ACO1: variants seen among roughly 807,000 people sequenced by gnomAD.
ACO1 encodes the protein cytoplasmic aconitate hydratase.
A neutral mutation model predicts 105.1 loss-of-function variants in ACO1; 78 were observed. That is an observed-to-expected ratio of 0.74 (90% confidence interval 0.62 to 0.90). The LOEUF (loss-of-function observed/expected upper bound fraction) is 0.90. Ranked by LOEUF, ACO1 falls within the 40% of genes least tolerant of loss-of-function variation. ACO1 has a pLI of 0.00. For synonymous variants in ACO1, 364 were observed against 397.4 expected (o/e 0.92, Z 1.00); for missense variants, 965 against 1,111.1 (o/e 0.87, Z 1.87).
intron 1 of ACO1, among the ~76,000 whole-genome samples, chr9:32,390,040 C>T (rs1194416751): frequency 1.3e-5 from 2 of 152,160 alleles, no homozygotes; most frequent in African/African-American, 2.4e-5. Context: ...TCAGGTGATC[C>T]GCCTGCCTCA....
intron 14 of ACO1, among the ~76,000 whole-genome samples, chr9:32,431,312 C>CATGCTTTTTGCATTTTT (rs1366562125): frequency 2.6e-5 from 4 of 152,138 alleles, no homozygotes; most frequent in Non-Finnish European, 5.9e-5. Context: ...TACGTAGTGC[C>CATGCTTTTTGCATTTTT]ATGCTTTTTG....
intron 18 of ACO1, among the ~76,000 whole-genome samples, chr9:32,438,593 T>C (rs780221716): frequency 6.6e-6 from 1 of 152,122 alleles, no homozygotes; most frequent in Non-Finnish European, 1.5e-5. Flanking sequence ...AATTAATGGG[T>C]AAGGACATAG....
intron 2 of ACO1, among the ~76,000 whole-genome samples, 171 bp from the exon 3 acceptor site, chr9:32,407,090 C>T (rs1408060064): frequency 6.6e-6 from 1 of 152,220 alleles, no homozygotes; most frequent in Admixed American, 6.5e-5. Context: ...CCCTGAATAT[C>T]TCTTAAACCC....
At position 32,436,401 on chromosome 9, in the gene ACO1, A is replaced by G. The variant is rs1260173172; in HGVS notation, c.2247+4A>G. The G allele has an allele frequency of 1.2e-6, 2 of 1,613,482 alleles. No individual in the cohort carries two copies. Among genetic ancestry groups the G allele is most frequent in the South Asian group, 2.2e-5 (2 of 91,082 alleles). ...CCATCTGCCTTCTGGGGAAATCGTG[A>G]GTATTGTCTTCTGCTTCCTGCAGAC... On this transcript the variant is annotated splice_donor_region_variant and intron_variant, in intron 18 of 20. Transcript: ENST00000309951.
chr9:32,405,028 G>C (rs1486105785), intron 1 of ACO1, among the ~76,000 whole-genome samples: 1 of 152,216 alleles, frequency 6.6e-6, no homozygotes, highest in Non-Finnish European at 1.5e-5. Context: ...AACTCCCAGA[G>C]AAGGAAGTTG....
At chr9:32,445,845 T>A (rs1822592795) in intron 19 of ACO1, 1 of 152,516 alleles carries the variant, frequency 6.6e-6, no homozygotes. Flanking sequence ...AAGAACATCT[T>A]TATTTCTGCC....
intron 1 of ACO1, among the ~76,000 whole-genome samples, chr9:32,400,781 A>G (rs903978962): frequency 6.6e-6 from 1 of 152,272 alleles, no homozygotes; most frequent in African/African-American, 2.4e-5. Flanking sequence ...TATCAAAAAT[A>G]GAATTTGAAT....
chr9:32,428,728 C>T (rs1052229815), intron 12 of ACO1, among the ~76,000 whole-genome samples: 6 of 152,044 alleles, frequency 3.9e-5, no homozygotes, highest in African/African-American at 1.4e-4. Context: ...CCTGTAATCC[C>T]AGCTACTTGG....
At chr9:32,431,463 G>C (rs1822233761) in intron 14 of ACO1, among the ~76,000 whole-genome samples, 1 of 152,180 alleles carries the variant, frequency 6.6e-6, no homozygotes, top group Non-Finnish European at 1.5e-5. Flanking sequence ...TTCAATGTCA[G>C]TGAGTCAACA....
intron 1 of ACO1, among the ~76,000 whole-genome samples, chr9:32,387,666 T>G (rs930487444): frequency 6.6e-6 from 1 of 152,208 alleles, no homozygotes; most frequent in African/African-American, 2.4e-5. Flanking sequence ...ACTTTTTGTG[T>G]AAAGGGACAG....
At chr9:32,413,482 C>CAAAAAAAA (rs35294620) in intron 4 of ACO1, among the ~76,000 whole-genome samples, 1 of 132,640 alleles carries the variant, frequency 7.5e-6, no homozygotes, top group Non-Finnish European at 1.6e-5. Context: ...GACTCTATCT[C>CAAAAAAAA]AAAAAAAAAA....
In ACO1 at chr9:32,432,382, C is replaced by T. The variant is rs566910336; in HGVS notation, c.1851+539C>T. On this transcript the variant is annotated intron_variant, in intron 15 of 20. Coordinates refer to ENST00000309951, the MANE Select transcript of ACO1 (RefSeq NM_002197.3). ...TCTTGGATATTATTCCTTTCCCCGC[C>T]TTCTGCATTCAGCTGACCCAAGGGC... Among the ~76,000 whole-genome samples, 3 of 152,304 alleles carry T rather than the reference C, an allele frequency of 2.0e-5. No individual in the cohort carries two copies. In the South Asian group the frequency reaches 6.2e-4, roughly 32 times the overall value.
intron 4 of ACO1, among the ~76,000 whole-genome samples, chr9:32,416,936 G>A (rs115794224): frequency 0.017 from 2,631 of 152,290 alleles, 70 homozygotes; most frequent in African/African-American, 0.059. Flanking sequence ...AGCTCTGAGC[G>A]CCCACAACGT....
intron 4 of ACO1, among the ~76,000 whole-genome samples, chr9:32,417,831 CTG>C (rs1821884067): frequency 6.6e-6 from 1 of 152,198 alleles, no homozygotes; most frequent in Non-Finnish European, 1.5e-5. Context: ...TGTCTTGAGT[CTG>C]TTCCTAAGAG....
chr9:32,450,109 T>C lies in ACO1; in HGVS notation c.2668T>C (p.Ter890GlnextTer43), dbSNP rs1203706762. The C allele has an allele frequency of 9.3e-6, 15 of 1,611,968 alleles. No individual in the cohort carries two copies. The highest frequency in any genetic ancestry group is 1.1e-5 in the Non-Finnish European group (13 of 1,178,782). The change falls in exon 21 of 21, where the codon TAG (stop) becomes CAG (glutamine). Residue 890 changes from the stop codon to glutamine (Q), a stop_lost. Transcript: ENST00000309951. ...LNYMIRKMAK[*>Q] is the part of the protein sequence containing the mutation. ...CTACATGATCCGCAAGATGGCCAAG[T>C]AGGAGACGTGCACTTGGTGCTGCGC...
rs1231085529 is a variant in ACO1 at position 32,449,004 on chromosome 9, C to T, written c.2479C>T (p.Leu827=). Residue 827 remains leucine (L), a synonymous_variant, in exon 20 of 21, where the codon CTG becomes TTG. Coordinates refer to ENST00000309951, the MANE Select transcript of ACO1 (RefSeq NM_002197.3). ...EYLPGENADA[L]GLTGQERYTI... is the part of the protein sequence containing the mutation. Reference sequence around the variant, plus strand: ...TCTCCCTGGTGAGAATGCAGATGCCCTGGGGCTCACAGGGCAAGAACGATA... The same window carrying T: ...TCTCCCTGGTGAGAATGCAGATGCCTTGGGGCTCACAGGGCAAGAACGATA... The T allele has an allele frequency of 3.7e-6, 6 of 1,614,158 alleles. No individual in the cohort carries two copies. Among genetic ancestry groups the T allele is most frequent in the Non-Finnish European group, 4.2e-6 (5 of 1,180,018 alleles).
At chr9:32,427,205 A>G (rs890275896) in intron 11 of ACO1, 96 bp from the exon 12 acceptor site, 25 of 1,478,252 alleles carry the variant, frequency 1.7e-5, no homozygotes, top group Non-Finnish European at 2.3e-5. Flanking sequence ...GGTGGCAGGA[A>G]ATGCAGACTG....
Position 32,388,592 on chromosome 9 carries a change from C to T in ACO1, c.-23+3857C>T, listed in dbSNP as rs529581755. 5.9e-5 allele frequency among the ~76,000 whole-genome samples: 9 copies of T among 152,026 alleles called. No individual in the cohort carries two copies. In the South Asian group the frequency reaches 1.9e-3, roughly 32 times the overall value. ...TTGTAGAGTACACTGTGTGTGTATACCTGTGTGTATGCATATTTGTACATC... is the reference window on the plus strand; with the variant it reads ...TTGTAGAGTACACTGTGTGTGTATATCTGTGTGTATGCATATTTGTACATC... On this transcript the variant is annotated intron_variant, in intron 1 of 20. Coordinates refer to ENST00000309951, the MANE Select transcript of ACO1 (RefSeq NM_002197.3).
At chr9:32,431,621 A>G (rs576001569) in intron 14 of ACO1, 98 bp from the exon 15 acceptor site, 3 of 1,349,516 alleles carry the variant, frequency 2.2e-6, no homozygotes, top group African/African-American at 2.9e-5. Flanking sequence ...CACGGGCTTT[A>G]TAGAACATAA....
Sources: gnomAD v4.1 joint callset for allele counts (sites outside exome capture counted in the v4.1 genomes callset) on GRCh38, gnomAD v4.1.1 for gene constraint, MANE v1.5 for transcripts, NCBI Gene and HGNC (gene_info 2026-07-23, HGNC 2026-07-21) for gene names.